EXOC4: variants seen among roughly 807,000 people sequenced by gnomAD.
The protein encoded by EXOC4 is SEC8-like 1.
A neutral mutation model predicts 107.2 loss-of-function variants in EXOC4; 71 were observed. That is an observed-to-expected ratio of 0.66 (90% CI 0.55 to 0.81). EXOC4 has a LOEUF of 0.81. Among genes scored for constraint, EXOC4 ranks in the 30% least tolerant of loss-of-function variants. The probability of loss-of-function intolerance (pLI) is 0.00; values close to 1 mark genes in which losing one functional copy is unlikely to be tolerated. For missense variants in EXOC4, 1,108 were observed against 1,189.6 expected, an observed-to-expected ratio of 0.93 and a Z score of 1.01; for synonymous variants, 456 against 441.2, an observed-to-expected ratio of 1.03 and a Z score of -0.42.
At chr7:133,382,297 G>T (rs1796635424) in intron 7 of EXOC4, among the ~76,000 whole-genome samples, 1 of 152,108 alleles carries the variant, frequency 6.6e-6, no homozygotes. Context: ...TCTGTAAGAT[G>T]ATATGGTCCA....
chr7:133,255,379 A>G (rs1207706823), intron 1 of EXOC4, among the ~76,000 whole-genome samples: 3 of 151,958 alleles, frequency 2.0e-5, no homozygotes, highest in Non-Finnish European at 4.4e-5. Context: ...GTTTCACCAT[A>G]TTGGCCAGGA....
At chr7:133,884,182 A>G (rs781284143) in intron 11 of EXOC4, among the ~76,000 whole-genome samples, 16 of 152,362 alleles carry the variant, frequency 1.1e-4, no homozygotes, top group South Asian at 8.3e-4. Context: ...TCAAGAGGTC[A>G]AAGAAGAGAC....
chr7:133,778,007 C>T (rs750037067), intron 10 of EXOC4, among the ~76,000 whole-genome samples: 15 of 152,078 alleles, frequency 9.9e-5, no homozygotes, highest in South Asian at 2.1e-4. Flanking sequence ...ATTCATTCTC[C>T]GTCTTCCATT....
intron 10 of EXOC4, among the ~76,000 whole-genome samples, chr7:133,681,387 T>TC (rs1794183733): frequency 1.3e-5 from 2 of 151,832 alleles, no homozygotes; most frequent in South Asian, 4.2e-4. Flanking sequence ...GGGCAATTTT[T>TC]TTTTTAAATA....
chr7:133,254,380 T>A (rs1422463417), intron 1 of EXOC4, among the ~76,000 whole-genome samples: 1 of 152,252 alleles, frequency 6.6e-6, no homozygotes, highest in Non-Finnish European at 1.5e-5. Context: ...ATTGTGAATC[T>A]ATAGGCCCAC....
intron 6 of EXOC4, among the ~76,000 whole-genome samples, chr7:133,361,470 C>T (rs995064054): frequency 7.2e-5 from 11 of 152,160 alleles, no homozygotes; most frequent in South Asian, 6.2e-4. Context: ...TTTGTAGAGA[C>T]GGGGTTTCAC....
chr7:133,328,672 G>A (rs56033045), intron 5 of EXOC4, among the ~76,000 whole-genome samples: 8 of 152,178 alleles, frequency 5.3e-5, no homozygotes, highest in African/African-American at 9.6e-5. Flanking sequence ...TTTCTCCTTC[G>A]TTTATGAAAC....
intron 11 of EXOC4, among the ~76,000 whole-genome samples, chr7:133,872,290 T>C (rs1563037235): frequency 6.6e-6 from 1 of 152,214 alleles, no homozygotes; most frequent in African/African-American, 2.4e-5. Context: ...CCCATTTTGA[T>C]GTTAGCAGTT....
At chr7:133,526,714 A>G (rs1417821954) in intron 9 of EXOC4, among the ~76,000 whole-genome samples, 1 of 152,190 alleles carries the variant, frequency 6.6e-6, no homozygotes, top group Non-Finnish European at 1.5e-5. Flanking sequence ...GCTTTCGCCT[A>G]TAGTCCCAGC....
intron 10 of EXOC4, among the ~76,000 whole-genome samples, chr7:133,777,871 G>A (rs959793333): frequency 6.6e-6 from 1 of 152,132 alleles, no homozygotes; most frequent in Non-Finnish European, 1.5e-5. Flanking sequence ...ATATATGAAT[G>A]ACTATTATCA....
chr7:133,758,559 A>C (rs1795966116), intron 10 of EXOC4, among the ~76,000 whole-genome samples: 1 of 152,220 alleles, frequency 6.6e-6, no homozygotes, highest in Admixed American at 6.5e-5. Context: ...TGTCTGGGAG[A>C]AGCAGATATA....
intron 10 of EXOC4, among the ~76,000 whole-genome samples, chr7:133,642,762 C>G (rs142546526): frequency 3.5e-4 from 53 of 152,272 alleles, no homozygotes; most frequent in African/African-American, 1.2e-3. Flanking sequence ...GAAGGCCTGA[C>G]TTTCTGACTT....
intron 14 of EXOC4, among the ~76,000 whole-genome samples, chr7:133,989,233 G>T (rs938002489): frequency 6.6e-6 from 1 of 152,182 alleles, no homozygotes; most frequent in Non-Finnish European, 1.5e-5. Context: ...CCTATAAAAA[G>T]AGAATTCAGG....
intron 9 of EXOC4, among the ~76,000 whole-genome samples, chr7:133,592,987 T>C (rs1248458575): frequency 6.6e-6 from 1 of 152,196 alleles, no homozygotes; most frequent in Non-Finnish European, 1.5e-5. Context: ...CCTCAAGTTA[T>C]CTGCCCACCT....
chr7:133,255,550 G>A (rs974442583), intron 1 of EXOC4, among the ~76,000 whole-genome samples: 20 of 152,168 alleles, frequency 1.3e-4, no homozygotes, highest in African/African-American at 4.6e-4. Flanking sequence ...TACAAGCATG[G>A]TGTAAGGGAA....
At chr7:133,824,842 T>C (rs552970818) in intron 11 of EXOC4, among the ~76,000 whole-genome samples, 2 of 152,276 alleles carry the variant, frequency 1.3e-5, no homozygotes, top group East Asian at 1.9e-4. Context: ...GATACTTTCA[T>C]TGGATTTAGG....
chr7:133,527,530 GGGATCT>G (rs2150918310), intron 9 of EXOC4, among the ~76,000 whole-genome samples: 1 of 152,188 alleles, frequency 6.6e-6, no homozygotes, highest in South Asian at 2.1e-4. Context: ...ATCCAAACAT[GGGATCT>G]TCCTATGGTA....
chr7:133,845,870 C>T (rs1008138665), intron 11 of EXOC4, among the ~76,000 whole-genome samples: 1 of 152,116 alleles, frequency 6.6e-6, no homozygotes, highest in African/African-American at 2.4e-5. Flanking sequence ...TCTCCTTTTT[C>T]AGGGAGAATG....
intron 9 of EXOC4, among the ~76,000 whole-genome samples, chr7:133,488,531 T>C (rs1186153165): frequency 1.3e-5 from 2 of 152,074 alleles, no homozygotes; most frequent in Middle Eastern, 6.8e-3. Flanking sequence ...CTTTACAAAG[T>C]TTAGGAAGAG....
Sources: allele counts gnomAD v4.1 joint callset (sites outside exome capture counted in the v4.1 genomes callset), GRCh38; gene constraint gnomAD v4.1.1; transcripts MANE v1.5; gene names NCBI Gene and HGNC (gene_info 2026-07-23, HGNC 2026-07-21).